Variants in PPP4R1 observed in about 807,000 individuals in gnomAD.
PPP4R1 encodes the protein protein phosphatase 4 regulatory subunit 1, also known as serine/threonine-protein phosphatase 4 regulatory subunit 1.
Under a neutral mutation model 111.2 loss-of-function variants are expected in PPP4R1, and 42 were observed. The ratio of observed to expected loss-of-function variants is 0.38; its 90% CI spans 0.29 to 0.49. PPP4R1 has a LOEUF of 0.49. Among genes scored for constraint, PPP4R1 ranks in the 20% least tolerant of loss-of-function variants. The pLI is 0.97. For missense variants in PPP4R1, 1,012 were observed against 1,161.6 expected (o/e 0.87, Z 1.87); for synonymous variants, 409 against 405.5 (o/e 1.01, Z -0.10).
intron 10 of PPP4R1, among the ~76,000 whole-genome samples, chr18:9,574,185 C>CGTA (rs1357708339): frequency 6.6e-6 from 1 of 152,014 alleles, no homozygotes; most frequent in Non-Finnish European, 1.5e-5. Context: ...TCCTAAGAGA[C>CGTA]GTAGGTATCA....
intron 2 of PPP4R1, among the ~76,000 whole-genome samples, chr18:9,607,562 T>C (rs2067502067): frequency 6.6e-6 from 1 of 152,070 alleles, no homozygotes; most frequent in African/African-American, 2.4e-5. Flanking sequence ...ATAAGTTAGA[T>C]GGCAAATGAG....
intron 2 of PPP4R1, among the ~76,000 whole-genome samples, chr18:9,601,406 A>G (rs530013233): frequency 6.6e-6 from 1 of 152,138 alleles, no homozygotes; most frequent in South Asian, 2.1e-4. Context: ...CGTGCCTGAA[A>G]TTCCAGCTAC....
At position 9,614,348 on chromosome 18, in the gene PPP4R1, C is replaced by G; in HGVS notation, c.8-78G>C. On this transcript the variant is annotated intron_variant, in intron 1 of 19. Coordinates refer to ENST00000400556, the MANE Select transcript of PPP4R1 (RefSeq NM_001042388.3). This position sits in a 1 kb window ranked among gnomAD's most constrained non-coding sequence, Gnocchi z 4.1. ...GACGCCCCCCCCCCGCCCGCCTCCC[C>G]CCCGCCCCGGGGGCGCCTTCCCGCG... 6.5e-6 allele frequency: 7 copies of G among 1,077,454 alleles called. No homozygotes were observed. Among genetic ancestry groups the G allele is most frequent in the Non-Finnish European group, 7.9e-6 (7 of 881,954 alleles). 66.7% of individuals were successfully genotyped at this position (1,077,454 alleles called of 1,614,324 possible).
At chr18:9,588,330 G>A (rs2067154879) in intron 5 of PPP4R1, 95 bp from the exon 6 acceptor site, 1 of 1,357,034 alleles carries the variant, frequency 7.4e-7, no homozygotes, top group Non-Finnish European at 1.0e-6. Context: ...CATCTCAAAG[G>A]GACCCATAAC....
intron 15 of PPP4R1, among the ~76,000 whole-genome samples, chr18:9,554,272 C>T (rs915650645): frequency 6.6e-5 from 10 of 151,798 alleles, no homozygotes; most frequent in Non-Finnish European, 1.3e-4. Flanking sequence ...GGACTACAGG[C>T]GCATGCCACC....
intron 2 of PPP4R1, among the ~76,000 whole-genome samples, chr18:9,607,788 T>C (rs1257048553): frequency 7.4e-5 from 11 of 148,520 alleles, no homozygotes; most frequent in South Asian, 4.3e-4. Flanking sequence ...TCTTTCTTTT[T>C]TTTTTTTTTT....
intron 2 of PPP4R1, among the ~76,000 whole-genome samples, chr18:9,602,506 A>G (rs2067404676): frequency 1.3e-5 from 2 of 150,236 alleles, no homozygotes; most frequent in Non-Finnish European, 3.0e-5. Context: ...AGATTGCGCC[A>G]CTGCACTCCA....
chr18:9,606,549 A>T (rs1471068839), intron 2 of PPP4R1, among the ~76,000 whole-genome samples: 2 of 152,190 alleles, frequency 1.3e-5, no homozygotes, highest in African/African-American at 2.4e-5. Context: ...TGTTTATCAG[A>T]AACCCTTCCT....
chr18:9,571,783 G>A (rs1190270964), intron 10 of PPP4R1, among the ~76,000 whole-genome samples: 1 of 152,166 alleles, frequency 6.6e-6, no homozygotes, highest in Non-Finnish European at 1.5e-5. Context: ...AGGAAATGAT[G>A]GATGACAAGG....
intron 11 of PPP4R1, among the ~76,000 whole-genome samples, chr18:9,567,318 G>GTCCC (rs2076548942): frequency 6.6e-6 from 1 of 152,210 alleles, no homozygotes; most frequent in Admixed American, 6.5e-5. Context: ...GCTTGAAAAC[G>GTCCC]TGAGTGAAAT....
At chr18:9,588,539 T>A (rs2067158769) in intron 5 of PPP4R1, among the ~76,000 whole-genome samples, 172 bp downstream of exon 5, 1 of 152,202 alleles carries the variant, frequency 6.6e-6, no homozygotes, top group Non-Finnish European at 1.5e-5. Context: ...TTGTCCATAA[T>A]GGCATTAAAG....
chr18:9,579,593 T>C (rs776580801), intron 9 of PPP4R1, among the ~76,000 whole-genome samples: 4 of 151,962 alleles, frequency 2.6e-5, no homozygotes, highest in Non-Finnish European at 5.9e-5. Flanking sequence ...GTGCAGCATA[T>C]ATAGCCTGCC....
In PPP4R1 at chr18:9,546,921, A is replaced by G. The variant is rs1055642346; in HGVS notation, c.*868T>C. 6.6e-6 allele frequency: 1 copy of G among 152,222 alleles called. No homozygotes were observed. The highest frequency in any genetic ancestry group is 1.5e-5 in the Non-Finnish European group (1 of 68,038). The allele number at this position is 152,222 out of a possible 1,614,324, so 9.4% of individuals were successfully genotyped here. ...GTATATATCTCTCTCTATAGATCTT[A>G]TTAATAAATTTTATTTGGACAAGAG... On this transcript the variant is annotated 3_prime_UTR_variant, in exon 20 of 20. Transcript: ENST00000400556.
intron 15 of PPP4R1, among the ~76,000 whole-genome samples, chr18:9,555,327 A>G (rs1329679713): frequency 6.6e-6 from 1 of 152,176 alleles, no homozygotes; most frequent in East Asian, 1.9e-4. Flanking sequence ...ATTAATTAAA[A>G]AAAAACAGAA....
chr18:9,562,767 T>A (rs1340201834), intron 12 of PPP4R1, among the ~76,000 whole-genome samples: 1 of 152,176 alleles, frequency 6.6e-6, no homozygotes, highest in Non-Finnish European at 1.5e-5. Flanking sequence ...TGGCAATCGG[T>A]GGTGCATTCC....
chr18:9,565,102 T>C (rs2066744774), intron 11 of PPP4R1, among the ~76,000 whole-genome samples: 1 of 152,220 alleles, frequency 6.6e-6, no homozygotes, highest in Non-Finnish European at 1.5e-5. Context: ...GTGTTTACGC[T>C]GTGCCTCTGT....
intron 2 of PPP4R1, 114 bp from the exon 3 acceptor site, chr18:9,595,267 G>C (rs1399401069): frequency 3.6e-6 from 4 of 1,099,852 alleles, no homozygotes; most frequent in South Asian, 1.7e-5. Flanking sequence ...AAAATCACAA[G>C]AGACTCTCAG....
intron 12 of PPP4R1, 21 bp downstream of exon 12, chr18:9,563,357 A>C: frequency 6.3e-7 from 1 of 1,585,188 alleles, no homozygotes; most frequent in South Asian, 1.1e-5. Context: ...CATTTGGTAA[A>C]CACTTTACTG....
At chr18:9,553,481 TAG>T (rs2066521235) in intron 15 of PPP4R1, 59 bp from the exon 16 acceptor site, 3 of 1,168,036 alleles carry the variant, frequency 2.6e-6, no homozygotes, top group Non-Finnish European at 3.7e-6. Flanking sequence ...TTTCTTTTAC[TAG>T]AGTGCTTAAA....
Sources: allele counts gnomAD v4.1 joint callset (sites outside exome capture counted in the v4.1 genomes callset), GRCh38; gene constraint gnomAD v4.1.1; non-coding constraint Gnocchi (gnomAD v3.1); transcripts MANE v1.5; gene names NCBI Gene and HGNC (gene_info 2026-07-23, HGNC 2026-07-21).